Variants in THEMIS observed in about 807,000 individuals in gnomAD.
The protein encoded by THEMIS is thymocyte selection associated, also known as protein THEMIS.
A neutral mutation model predicts 52.6 loss-of-function variants in THEMIS; 37 were observed. That is an observed-to-expected ratio of 0.70 (90% CI 0.54 to 0.93). The LOEUF is 0.93. Among genes scored for constraint, THEMIS ranks in the 40% least tolerant of loss-of-function variants. The probability of loss-of-function intolerance (pLI) is 0.00; values close to 1 mark genes in which losing one functional copy is unlikely to be tolerated. For synonymous variants in THEMIS, 292 were observed against 272.7 expected, an observed-to-expected ratio of 1.07 and a Z score of -0.70; for missense variants, 808 against 763.1, an observed-to-expected ratio of 1.06 and a Z score of -0.69.
chr6:127,781,066 T>C (rs1199101897), intron 4 of THEMIS, among the ~76,000 whole-genome samples: 1 of 152,114 alleles, frequency 6.6e-6, no homozygotes, highest in South Asian at 2.1e-4. Flanking sequence ...CATAGTCCTA[T>C]ATTTCTTGGA....
chr6:127,765,012 G>A (rs1776147975), intron 4 of THEMIS, among the ~76,000 whole-genome samples: 1 of 151,904 alleles, frequency 6.6e-6, no homozygotes. Flanking sequence ...CTTATTACAG[G>A]AGACCCTTAC....
At chr6:127,897,045 T>C (rs1780989286) in intron 1 of THEMIS, among the ~76,000 whole-genome samples, 1 of 150,896 alleles carries the variant, frequency 6.6e-6, no homozygotes, top group Non-Finnish European at 1.5e-5. Flanking sequence ...GTTAACAGAG[T>C]AAGATGATAG....
At chr6:127,856,592 T>C (rs779147372) in intron 1 of THEMIS, among the ~76,000 whole-genome samples, 3 of 152,068 alleles carry the variant, frequency 2.0e-5, no homozygotes, top group South Asian at 2.1e-4. Flanking sequence ...TTACTGTCCT[T>C]ATCTGAGCAA....
intron 1 of THEMIS, among the ~76,000 whole-genome samples, chr6:127,906,457 TGTTTAGTCACTCATCTATATTACA>T (rs1279297616): frequency 6.6e-6 from 1 of 151,980 alleles, no homozygotes; most frequent in Non-Finnish European, 1.5e-5. Flanking sequence ...AATGGTGCAA[TGTTTAGTCACTCATCTATATTACA>T]AACTGTTGTG....
At chr6:127,763,237 A>C (rs1320545573) in intron 4 of THEMIS, among the ~76,000 whole-genome samples, 1 of 152,016 alleles carries the variant, frequency 6.6e-6, no homozygotes, top group African/African-American at 2.4e-5. Context: ...CTCACCAATG[A>C]ATTCTCTATG....
At chr6:127,801,635 C>A (rs1478558262) in intron 4 of THEMIS, among the ~76,000 whole-genome samples, 2 of 152,158 alleles carry the variant, frequency 1.3e-5, no homozygotes, top group Non-Finnish European at 2.9e-5. Context: ...AACATCCCCT[C>A]CTCAACCCAT....
intron 3 of THEMIS, among the ~76,000 whole-genome samples, chr6:127,820,787 G>T (rs1778311905): frequency 6.6e-6 from 1 of 151,888 alleles, no homozygotes. Context: ...ACATTAAAAT[G>T]AAAGCTTTTT....
At chr6:127,896,333 A>G (rs887300072) in intron 1 of THEMIS, among the ~76,000 whole-genome samples, 5 of 151,522 alleles carry the variant, frequency 3.3e-5, no homozygotes, top group Non-Finnish European at 4.4e-5. Flanking sequence ...TGTTAAAGAT[A>G]TATTCTTAAA....
At chr6:127,890,017 A>G (rs533073385) in intron 1 of THEMIS, among the ~76,000 whole-genome samples, 25 of 152,244 alleles carry the variant, frequency 1.6e-4, no homozygotes, top group East Asian at 1.2e-3. Context: ...TACAACTGCT[A>G]TCTAATGAAA....
intron 4 of THEMIS, among the ~76,000 whole-genome samples, chr6:127,743,894 A>G (rs920185064): frequency 2.0e-5 from 3 of 152,118 alleles, no homozygotes; most frequent in African/African-American, 7.2e-5. Context: ...GCGACTCACT[A>G]ATTTTACTTT....
intron 5 of THEMIS, among the ~76,000 whole-genome samples, chr6:127,716,645 T>A (rs1774173013): frequency 1.3e-5 from 2 of 151,950 alleles, no homozygotes; most frequent in South Asian, 4.1e-4. Context: ...TCAAGCGCTG[T>A]TCCTGGGAGC....
At chr6:127,781,290 T>A (rs1006266792) in intron 4 of THEMIS, among the ~76,000 whole-genome samples, 4 of 152,022 alleles carry the variant, frequency 2.6e-5, no homozygotes, top group African/African-American at 9.7e-5. Flanking sequence ...TAGCAATTCA[T>A]CTAACCTTTT....
chr6:127,829,377 A>G, intron 3 of THEMIS, 99 bp downstream of exon 3: 1 of 959,968 alleles, frequency 1.0e-6, no homozygotes, highest in South Asian at 1.7e-5. Flanking sequence ...TCAATAGTTG[A>G]AATAAAGACA....
chr6:127,840,406 A>G (rs1371681814), intron 2 of THEMIS, among the ~76,000 whole-genome samples: 1 of 152,130 alleles, frequency 6.6e-6, no homozygotes. Context: ...CCATTATGCT[A>G]AAACATGTGT....
chr6:127,812,734 T>C (rs1254326389), intron 4 of THEMIS, 149 bp downstream of exon 4: 1 of 751,262 alleles, frequency 1.3e-6, no homozygotes, highest in Non-Finnish European at 2.2e-6. Context: ...ACACTGTTGA[T>C]GTTCATTCAT....
At position 127,744,462 on chromosome 6, in the gene THEMIS, G is replaced by A. The variant is rs374867458; in HGVS notation, c.1759-24639C>T. On this transcript the variant is annotated intron_variant, in intron 4 of 5. Transcript: ENST00000368248. ...CGACAGAAGAATTAAGAAAGAAAAT[G>A]GGATATATTCATACAATGAAATATT... 5.9e-5 allele frequency among the ~76,000 whole-genome samples: 9 copies of A among 152,056 alleles called. No individual in the cohort carries two copies. The East Asian group carries it at 1.5e-3, about 26-fold the overall frequency.
intron 4 of THEMIS, among the ~76,000 whole-genome samples, chr6:127,767,867 G>A (rs1004976947): frequency 6.6e-6 from 1 of 152,110 alleles, no homozygotes; most frequent in African/African-American, 2.4e-5. Flanking sequence ...GCACTACAAA[G>A]TTATGACAGC....
At chr6:127,896,050 TA>T (rs112950362) in intron 1 of THEMIS, among the ~76,000 whole-genome samples, 2,799 of 151,404 alleles carry the variant, frequency 0.018, 92 homozygotes, top group African/African-American at 0.063. Context: ...CTTTTTAATG[TA>T]AAAAAAACTA....
chr6:127,821,164 CTG>C (rs1230914496), intron 3 of THEMIS, among the ~76,000 whole-genome samples: 2 of 147,744 alleles, frequency 1.4e-5, no homozygotes, highest in African/African-American at 2.5e-5. Flanking sequence ...GTGTGTGTGT[CTG>C]TGTGTGTGAG....
Sources: gnomAD v4.1 joint callset for allele counts (sites outside exome capture counted in the v4.1 genomes callset) on GRCh38, gnomAD v4.1.1 for gene constraint, MANE v1.5 for transcripts, NCBI Gene and HGNC (gene_info 2026-07-23, HGNC 2026-07-21) for gene names.